Variants in GIP observed in about 807,000 individuals in gnomAD.
The protein encoded by GIP is gastric inhibitory polypeptide, also known as glucose-dependent insulinotropic polypeptide.
GIP carries 16 observed loss-of-function variants against 18.1 expected under a neutral mutation model. The observed-to-expected ratio is 0.88, with a 90% CI of 0.60 to 1.34. The LOEUF (loss-of-function observed/expected upper bound fraction) is 1.34. GIP is among the 40% of genes most tolerant of loss of function. The pLI, the probability that GIP is intolerant of heterozygous loss-of-function variation, is 0.00. For synonymous variants in GIP, 76 were observed against 74.0 expected, an observed-to-expected ratio of 1.03 and a Z score of -0.14; for missense variants, 192 against 183.4, an observed-to-expected ratio of 1.05 and a Z score of -0.27.
intron 2 of GIP, among the ~76,000 whole-genome samples, chr17:48,964,855 G>C (rs8076770): frequency 6.6e-6 from 1 of 152,236 alleles, no homozygotes; most frequent in South Asian, 2.1e-4. Flanking sequence ...TTAGCCAGGC[G>C]TTGGCAGGGC....
chr17:48,964,612 C>G, intron 2 of GIP, 132 bp from the exon 3 acceptor site: 1 of 684,196 alleles, frequency 1.5e-6, no homozygotes, highest in Admixed American at 2.6e-5. Flanking sequence ...CCCTGTGGAT[C>G]CACTCCCCCA....
chr17:48,958,854 T>TA, intron 5 of GIP, 138 bp from the exon 6 acceptor site: 2 of 602,780 alleles, frequency 3.3e-6, no homozygotes, highest in East Asian at 3.1e-5. Flanking sequence ...TTTATCAATT[T>TA]ACTTTTTTTT....
At position 48,967,204 on chromosome 17, in the gene GIP, A is replaced by T. The variant is rs1567797964; in HGVS notation, c.29T>A (p.Leu10Gln). 6.8e-6 allele frequency: 11 copies of T among 1,613,976 alleles called. No homozygotes were observed. The highest frequency in any genetic ancestry group is 9.3e-6 in the Non-Finnish European group (11 of 1,179,978). ...CACTGCCAGGAACAGGGACAGCAGC[A>T]GCAGAGCAAAGGTCTTCGTGGCCAC... is the stretch of plus-strand genomic sequence containing the variant. MVATKTFALLLLSLFLAVGL... is the reference protein window; with the variant it reads MVATKTFALQLLSLFLAVGL... Residue 10 changes from leucine to glutamine, a missense_variant, in exon 2 of 6, where the codon CTG becomes CAG. Leu to Gln is a moderately radical substitution (Grantham distance 113). Transcript: ENST00000357424.
chr17:48,963,109 CA>C (rs1469003901), intron 3 of GIP, among the ~76,000 whole-genome samples: 2 of 135,226 alleles, frequency 1.5e-5, no homozygotes, highest in African/African-American at 2.8e-5. Context: ...AAATCCGTCT[CA>C]AAAAAAAAGA....
intron 1 of GIP, among the ~76,000 whole-genome samples, chr17:48,968,082 T>C (rs2041245045): frequency 6.6e-6 from 1 of 151,630 alleles, no homozygotes; most frequent in Non-Finnish European, 1.5e-5. Context: ...ACATCAGCGC[T>C]ACCTTCTCAT....
rs1479256338 is a variant in GIP at position 48,959,626 on chromosome 17, C to A, written c.453-910G>T. Among the ~76,000 whole-genome samples, 5 of 150,944 alleles carry A rather than the reference C, an allele frequency of 3.3e-5. No individual in the cohort carries two copies. The East Asian group carries it at 9.6e-4, about 29-fold the overall frequency. ...TAGCTGATGAGGGGGATTCAAGAGACCATTGAAGCCAGCAGTGGCCACAGA... is the reference window on the plus strand; with the variant it reads ...TAGCTGATGAGGGGGATTCAAGAGAACATTGAAGCCAGCAGTGGCCACAGA... On this transcript the variant is annotated intron_variant, in intron 5 of 5. Transcript: ENST00000357424.
chr17:48,965,874 C>T (rs901824696), intron 2 of GIP, among the ~76,000 whole-genome samples: 2 of 152,094 alleles, frequency 1.3e-5, no homozygotes, highest in South Asian at 4.1e-4. Flanking sequence ...CAGAGATTAC[C>T]TTATTATTGT....
intron 3 of GIP, 84 bp from the exon 4 acceptor site, chr17:48,961,903 A>G (rs759477750): frequency 1.7e-5 from 16 of 926,304 alleles, no homozygotes; most frequent in Non-Finnish European, 2.4e-5. Flanking sequence ...CTGAACCCCA[A>G]AAGCAGAGGG....
intron 3 of GIP, among the ~76,000 whole-genome samples, chr17:48,962,027 A>T (rs1348521697): frequency 6.6e-6 from 1 of 152,230 alleles, no homozygotes; most frequent in East Asian, 1.9e-4. Flanking sequence ...GACTTGGCAT[A>T]GAGCAGGGAG....
intron 4 of GIP, among the ~76,000 whole-genome samples, chr17:48,961,274 A>G (rs2041199334): frequency 6.6e-6 from 1 of 152,178 alleles, no homozygotes. Flanking sequence ...GAATGCAGAG[A>G]GTACTTTGGG....
intron 2 of GIP, among the ~76,000 whole-genome samples, chr17:48,965,604 C>CAAAAAAAAA (rs33918974): frequency 1.2e-5 from 1 of 84,224 alleles, no homozygotes; most frequent in Non-Finnish European, 2.1e-5. Flanking sequence ...GACTCCATCT[C>CAAAAAAAAA]AAAAAAAAAA....
rs190734189 is a variant in GIP at position 48,963,323 on chromosome 17, G to A, written c.257+987C>T. Among the ~76,000 whole-genome samples the A allele has an allele frequency of 1.9e-3, 285 of 151,840 alleles. 1 individual carries two copies. Among genetic ancestry groups the A allele is most frequent in the African/African-American group, 6.7e-3 (278 of 41,380 alleles). On this transcript the variant is annotated intron_variant, in intron 3 of 5. Transcript: ENST00000357424. ...GTGGATCACCTGAGGTCAGGAGTTC[G>A]AGACCTGCCTGACCAACATGGAACC...
intron 1 of GIP, 69 bp from the exon 2 acceptor site, chr17:48,967,322 C>CA (rs1598105680): frequency 3.0e-6 from 3 of 994,270 alleles, no homozygotes; most frequent in East Asian, 4.8e-5. Flanking sequence ...TGGAGAGGGG[C>CA]AAAGCCCTGA....
rs1348052633 is a variant in GIP, at chr17:48,964,238, C to A, written c.257+72G>T. On this transcript the variant is annotated intron_variant, in intron 3 of 5. Coordinates refer to ENST00000357424, the MANE Select transcript of GIP (RefSeq NM_004123.3). ...ATCATGTGGCCTGTGTGGCCACAGC[C>A]GGTGGCCTCCTCTGAAGGTAGGAAG... is the stretch of plus-strand genomic sequence containing the variant. 4 of 1,170,104 alleles carry A rather than the reference C, an allele frequency of 3.4e-6. No homozygotes were observed. The African/African-American group carries it at 6.0e-5, about 18-fold the overall frequency. 72.5% of individuals were successfully genotyped at this position (1,170,104 alleles called of 1,614,324 possible). A position where few individuals can be genotyped will look rare whatever the true frequency, so the allele number is the denominator to read the frequency against.
At chr17:48,966,186 G>A (rs1370201516) in intron 2 of GIP, among the ~76,000 whole-genome samples, 1 of 151,352 alleles carries the variant, frequency 6.6e-6, no homozygotes, top group Non-Finnish European at 1.5e-5. Context: ...GAACCCGGGA[G>A]GCGGAGGTTG....
intron 5 of GIP, among the ~76,000 whole-genome samples, chr17:48,958,974 C>T (rs1307152285): frequency 6.6e-6 from 1 of 151,750 alleles, no homozygotes; most frequent in Non-Finnish European, 1.5e-5. Flanking sequence ...CCTGCCTCAG[C>T]CTCCCGAGTA....
In GIP at chr17:48,960,923, C is replaced by A; in HGVS notation, c.415G>T (p.Ala139Ser). 6.2e-7 allele frequency: 1 copy of A among 1,608,162 alleles called. No homozygotes were observed. Among genetic ancestry groups the A allele is most frequent in the East Asian group, 2.2e-5 (1 of 44,796 alleles). The change falls in exon 5 of 6, where the codon GCC becomes TCC. Residue 139 changes from alanine (A) to serine (S), a missense_variant. Ala to Ser is a moderately conservative substitution (Grantham distance 99, BLOSUM62 1). Transcript: ENST00000357424. Reference sequence around the variant, plus strand: ...AGGTTTGTCTGATCCAGCAAGCAGGCCAACAGCTCTTGAATCAGCAAGTCC... The same window carrying A: ...AGGTTTGTCTGATCCAGCAAGCAGGACAACAGCTCTTGAATCAGCAAGTCC... ...LRDLLIQELL[A>S]CLLDQTNLCR...
At chr17:48,962,944 A>C (rs560782223) in intron 3 of GIP, among the ~76,000 whole-genome samples, 10 of 151,850 alleles carry the variant, frequency 6.6e-5, no homozygotes, top group African/African-American at 2.4e-4. Context: ...CTCTACTAAA[A>C]AAATGCAAAA....
intron 2 of GIP, among the ~76,000 whole-genome samples, chr17:48,965,746 G>A (rs1171512323): frequency 6.6e-6 from 1 of 151,652 alleles, no homozygotes. Context: ...CAACTCATAC[G>A]AAAGCTCTGA....
Sources: allele counts gnomAD v4.1 joint callset (sites outside exome capture counted in the v4.1 genomes callset), GRCh38; gene constraint gnomAD v4.1.1; transcripts MANE v1.5; gene names NCBI Gene and HGNC (gene_info 2026-07-23, HGNC 2026-07-21).